The following RNF215 variants were observed in gnomAD, a reference collection of about 807,000 sequenced individuals.
The protein encoded by RNF215 is ring finger protein 215.
A neutral mutation model predicts 44.8 loss-of-function variants in RNF215; 41 were observed. The observed-to-expected ratio is 0.92, with a 90% CI of 0.71 to 1.19. The LOEUF is 1.19. Among genes scored for constraint, RNF215 ranks in the 50% most tolerant of loss-of-function variants. RNF215 has a pLI of 0.00. For synonymous variants in RNF215, 218 were observed against 230.1 expected, an observed-to-expected ratio of 0.95 and a Z score of 0.48; for missense variants, 452 against 496.2, an observed-to-expected ratio of 0.91 and a Z score of 0.85.
In RNF215 at chr22:30,381,249, G is replaced by A. The variant is rs554882677; in HGVS notation, c.745-848C>T. Among the ~76,000 whole-genome samples the A allele has an allele frequency of 1.7e-3, 252 of 152,284 alleles. 3 individuals are homozygous for A. Among genetic ancestry groups the A allele is most frequent in the South Asian group, 7.0e-3 (34 of 4,828 alleles). ...TGCAGCTGCCCTTGGGGGTCTGTGC[G>A]CTCCCATCGGTGGGAGGTAACCATA... is the stretch of plus-strand genomic sequence containing the variant. On this transcript the variant is annotated intron_variant, in intron 5 of 8. Coordinates refer to ENST00000382363, the MANE Select transcript of RNF215 (RefSeq NM_001017981.2).
At chr22:30,385,782 T>G in intron 4 of RNF215, 122 bp downstream of exon 4, 1 of 788,812 alleles carries the variant, frequency 1.3e-6, no homozygotes, top group Non-Finnish European at 2.1e-6. Context: ...TGATACTCCA[T>G]CTCAAAAAAA....
Position 30,380,205 on chromosome 22 carries a change from C to T in RNF215, c.865G>A (p.Val289Met). 6.2e-7 allele frequency: 1 copy of T among 1,613,644 alleles called. No individual in the cohort carries two copies. Among genetic ancestry groups the T allele is most frequent in the Non-Finnish European group, 8.5e-7 (1 of 1,179,846 alleles). The change falls in exon 7 of 9, where the codon GTG becomes ATG. Residue 289 changes from valine (V) to methionine (M), a missense_variant and splice_region_variant. By Grantham distance (21) the Val-to-Met change is conservative (BLOSUM62 1). Coordinates refer to ENST00000382363, the MANE Select transcript of RNF215 (RefSeq NM_001017981.2). The surrounding 1 kb of genome is among the most constrained non-coding windows in gnomAD (Gnocchi z 5.3). ...RQSQRELGGQ[V>M]DLFKRRVVRR... ...ACCACGCGGCGCTTAAACAGGTCCA[C>T]CTGTGGGGAGAGGACGGGCACAGTC...
At position 30,380,020 on chromosome 22, in the gene RNF215, T is replaced by A; in HGVS notation, c.1008+42A>T. The A allele has an allele frequency of 6.2e-7, 1 of 1,609,522 alleles. No individual in the cohort carries two copies. The highest frequency in any genetic ancestry group is 8.5e-7 in the Non-Finnish European group (1 of 1,176,528). Reference sequence around the variant, plus strand: ...GGTCCCAGGAGTAAGGTGGGAGGCATCACAGGTGAGCTGATGGCTGGTCTC... The same window carrying A: ...GGTCCCAGGAGTAAGGTGGGAGGCAACACAGGTGAGCTGATGGCTGGTCTC... On this transcript the variant is annotated intron_variant, in intron 7 of 8. Transcript: ENST00000382363. The surrounding 1 kb of genome is among the most constrained non-coding windows in gnomAD (Gnocchi z 5.3).
chr22:30,379,459 C>T lies in RNF215; in HGVS notation c.*141G>A. On this transcript the variant is annotated 3_prime_UTR_variant, in exon 9 of 9. Transcript: ENST00000382363. ...CCTTCCCAGTGTGGACATGGTGGGG[C>T]CCTCATCCTTCCTCCCACCCACTGG... The T allele has an allele frequency of 1.0e-6, 1 of 991,794 alleles. No individual in the cohort carries two copies. The highest frequency in any genetic ancestry group is 1.5e-6 in the Non-Finnish European group (1 of 673,894). 61.4% of individuals were successfully genotyped at this position (991,794 alleles called of 1,614,324 possible).
At chr22:30,386,898 G>A in intron 1 of RNF215, 131 bp downstream of exon 1, 1 of 1,473,534 alleles carries the variant, frequency 6.8e-7, no homozygotes, top group South Asian at 1.3e-5. Flanking sequence ...CTGGGGGCCT[G>A]GGGAGCCTGG....
intron 7 of RNF215, 97 bp downstream of exon 7, chr22:30,379,965 A>G: frequency 6.4e-7 from 1 of 1,572,148 alleles, no homozygotes; most frequent in Non-Finnish European, 8.7e-7. Flanking sequence ...TGGGGGCTGA[A>G]GGAGAAGGGC....
chr22:30,385,864 T>C (rs1165001042), intron 4 of RNF215, 40 bp downstream of exon 4: 1 of 1,585,100 alleles, frequency 6.3e-7, no homozygotes, highest in South Asian at 1.1e-5. Flanking sequence ...GGGCTCTCTG[T>C]ACCCAGGGTC....
intron 5 of RNF215, among the ~76,000 whole-genome samples, chr22:30,381,524 C>T (rs111514987): frequency 2.6e-5 from 4 of 152,286 alleles, no homozygotes; most frequent in African/African-American, 7.2e-5. Context: ...AAACACAGCA[C>T]GCTCCCTCCA....
Position 30,386,613 on chromosome 22 carries a change from C to A in RNF215, c.429+3G>T, listed in dbSNP as rs373662243. ...CCCCCTCCCCCATAGACATCCCCTGCACCTGCTGGACCAGGGCCTTGGGAT... is the reference window on the plus strand; with the variant it reads ...CCCCCTCCCCCATAGACATCCCCTGAACCTGCTGGACCAGGGCCTTGGGAT... On this transcript the variant is annotated splice_donor_region_variant and intron_variant, in intron 2 of 8. Coordinates refer to ENST00000382363, the MANE Select transcript of RNF215 (RefSeq NM_001017981.2). The A allele has an allele frequency of 1.6e-4, 250 of 1,611,126 alleles. 1 individual carries two copies. The highest frequency in any genetic ancestry group is 2.2e-4 in the Admixed American group (13 of 59,814).
At chr22:30,385,050 T>C (rs760487033) in intron 4 of RNF215, among the ~76,000 whole-genome samples, 1 of 152,108 alleles carries the variant, frequency 6.6e-6, no homozygotes, top group Non-Finnish European at 1.5e-5. Flanking sequence ...TGGACTCAAG[T>C]GATACTCCTT....
At position 30,378,879 on chromosome 22, in the gene RNF215, T is replaced by TTAA. The variant is rs1451917287; in HGVS notation, c.*720_*721insTTA. 2.7e-5 allele frequency: 3 copies of TTAA among 113,182 alleles called. No individual in the cohort carries two copies. Among genetic ancestry groups the TTAA allele is most frequent in the Non-Finnish European group, 5.4e-5 (3 of 56,014 alleles). 7.0% of individuals were successfully genotyped at this position (113,182 alleles called of 1,614,324 possible). A position where few individuals can be genotyped will look rare whatever the true frequency, so the allele number is the denominator to read the frequency against. On this transcript the variant is annotated 3_prime_UTR_variant, in exon 9 of 9. Coordinates refer to ENST00000382363, the MANE Select transcript of RNF215 (RefSeq NM_001017981.2). ...TTAAACCTTCCCTACTCCAACTCTTTAAAAAAAAAAAAAAAAAAAAAAAAG... is the reference window on the plus strand; with the variant it reads ...TTAAACCTTCCCTACTCCAACTCTTTTAAAAAAAAAAAAAAAAAAAAAAAAAAG...
At position 30,386,042 on chromosome 22, in the gene RNF215, C is replaced by T. The variant is rs1360006630; in HGVS notation, c.501+28G>A. On this transcript the variant is annotated intron_variant, in intron 3 of 8. Coordinates refer to ENST00000382363, the MANE Select transcript of RNF215 (RefSeq NM_001017981.2). ...CCTGGGTCCCCCTTTCCCCAGCTTGCTTACCCTCACGGCCTGGTCCGATTT... is the reference window on the plus strand; with the variant it reads ...CCTGGGTCCCCCTTTCCCCAGCTTGTTTACCCTCACGGCCTGGTCCGATTT... 9 of 1,613,880 alleles carry T rather than the reference C, an allele frequency of 5.6e-6. No homozygotes were observed. In the Admixed American group the frequency reaches 6.7e-5, roughly 12 times the overall value.
Position 30,387,149 on chromosome 22 carries a change from G to T in RNF215, c.165C>A (p.Gly55=). The T allele has an allele frequency of 8.2e-7, 1 of 1,222,836 alleles. No homozygotes were observed. The highest frequency in any genetic ancestry group is 3.2e-5 in the South Asian group (1 of 30,820). The allele number at this position is 1,222,836 out of a possible 1,614,324, so 75.7% of individuals were successfully genotyped here. The change falls in exon 1 of 9, where the codon GGC becomes GGA. Residue 55 remains glycine, a synonymous_variant. Coordinates refer to ENST00000382363, the MANE Select transcript of RNF215 (RefSeq NM_001017981.2). ...CGTCCACCCGCACGGCGCGGGCTCC[G>T]CCCCGCCCCGCCCCGGCCGCCGGCT... The part of the protein sequence containing the change: ...GSEPAAGAGR[G]GARAVRVDVR...
At chr22:30,383,590 G>A (rs1933556834) in intron 5 of RNF215, among the ~76,000 whole-genome samples, 2 of 152,204 alleles carry the variant, frequency 1.3e-5, no homozygotes, top group Non-Finnish European at 2.9e-5. Flanking sequence ...CAGGAGACCG[G>A]GACGTGACTG....
chr22:30,385,996 G>A lies in RNF215; in HGVS notation c.502-7C>T, dbSNP rs887691233. ...GAAGCTGGGATATGTCCAGCTGCAGGGAGACAAGGAGGTCAGCAGGCCTGG... is the reference window on the plus strand; with the variant it reads ...GAAGCTGGGATATGTCCAGCTGCAGAGAGACAAGGAGGTCAGCAGGCCTGG... On this transcript the variant is annotated splice_region_variant and splice_polypyrimidine_tract_variant and intron_variant, in intron 3 of 8. Transcript: ENST00000382363. 3 of 1,613,944 alleles carry A rather than the reference G, an allele frequency of 1.9e-6. No individual in the cohort carries two copies. Among genetic ancestry groups the A allele is most frequent in the South Asian group, 1.1e-5 (1 of 91,076 alleles).
At position 30,386,103 on chromosome 22, in the gene RNF215, A is replaced by C. The variant is rs775229078; in HGVS notation, c.468T>G (p.Leu156=). 11 of 1,605,322 alleles carry C rather than the reference A, an allele frequency of 6.9e-6. No individual in the cohort carries two copies. In the South Asian group the frequency reaches 1.0e-4, roughly 15 times the overall value. Residue 156 remains leucine (L), a synonymous_variant, in exon 3 of 9, where the codon CTT becomes CTG. Transcript: ENST00000382363. ...RALFLGASAL[L]LLILNHNVVR... is the part of the protein sequence containing the mutation. ...CCACGTTGTGGTTCAGGATGAGAAG[A>C]AGCAGGGCAGAGGCACCCAGGAAGA...
In RNF215 at chr22:30,386,123, G is replaced by C; in HGVS notation, c.448C>G (p.Leu150Val). 6.3e-7 allele frequency: 1 copy of C among 1,591,298 alleles called. No homozygotes were observed. The highest frequency in any genetic ancestry group is 2.3e-5 in the East Asian group (1 of 43,772). ...LVQQMRRALF[L>V]GASALLLLIL... The stretch of plus-strand genomic sequence containing the variant: ...AGAAGAAGCAGGGCAGAGGCACCCA[G>C]GAAGAGGGCCCGCCGCATCTGCAGA... Residue 150 changes from leucine to valine, a missense_variant, in exon 3 of 9, where the codon CTG becomes GTG. By Grantham distance (32) the Leu-to-Val change is conservative. Coordinates refer to ENST00000382363, the MANE Select transcript of RNF215 (RefSeq NM_001017981.2).
rs1338009272 is a variant in RNF215, at chr22:30,380,395, G to A, written c.751C>T (p.Leu251=). ...GGSRAQEQKP[L]QQLWNAILLV... is the part of the protein sequence containing the mutation. The stretch of plus-strand genomic sequence containing the variant: ...AGGATGGCGTTCCACAGCTGCTGCA[G>A]GGGTTTCTGGGGAGGGAAGCAGTCA... Residue 251 remains leucine, a synonymous_variant, in exon 6 of 9, where the codon CTG becomes TTG. Coordinates refer to ENST00000382363, the MANE Select transcript of RNF215 (RefSeq NM_001017981.2). This position sits in a 1 kb window ranked among gnomAD's most constrained non-coding sequence, Gnocchi z 5.3. The A allele has an allele frequency of 6.2e-7, 1 of 1,602,686 alleles. No homozygotes were observed.
chr22:30,383,520 C>T (rs1933555631), intron 5 of RNF215, among the ~76,000 whole-genome samples: 1 of 152,200 alleles, frequency 6.6e-6, no homozygotes, highest in African/African-American at 2.4e-5. Context: ...CCCAAGATTG[C>T]CCCACTTGAA....
Sources: allele counts gnomAD v4.1 joint callset (sites outside exome capture counted in the v4.1 genomes callset), GRCh38; gene constraint gnomAD v4.1.1; non-coding constraint Gnocchi (gnomAD v3.1); transcripts MANE v1.5; gene names NCBI Gene and HGNC (gene_info 2026-07-23, HGNC 2026-07-21).